The following CCDC192 variants were observed in gnomAD, a reference collection of about 807,000 sequenced individuals.
CCDC192 encodes coiled-coil domain-containing protein 192.
chr5:127,739,068 CT>C (rs1257999427), intron 2 of CCDC192, among the ~76,000 whole-genome samples: 4 of 152,212 alleles, frequency 2.6e-5, no homozygotes, highest in African/African-American at 9.6e-5. Context: ...GTTTTATCTA[CT>C]TTTGATCTTT....
chr5:127,716,396 C>T (rs1160416062), intron 2 of CCDC192, among the ~76,000 whole-genome samples: 1 of 152,162 alleles, frequency 6.6e-6, no homozygotes, highest in Non-Finnish European at 1.5e-5. Flanking sequence ...GTAATGCTCA[C>T]TTCATAGACT....
At chr5:127,941,100 A>G (rs989615110) in intron 6 of CCDC192, 82 bp from the exon 7 acceptor site, 4 of 398,426 alleles carry the variant, frequency 1.0e-5, no homozygotes, top group Non-Finnish European at 1.8e-5. Flanking sequence ...GTGAGAAATG[A>G]AGCTTTTTCA....
chr5:127,892,476 G>A lies in CCDC192; in HGVS notation c.535+16815G>A, dbSNP rs576683377. Among the ~76,000 whole-genome samples, 370 of 152,286 alleles carry A rather than the reference G, an allele frequency of 2.4e-3. 2 individuals carry two copies. The highest frequency in any genetic ancestry group is 8.6e-3 in the African/African-American group (358 of 41,556). On this transcript the variant is annotated intron_variant, in intron 6 of 6. Transcript: ENST00000514853. Reference sequence around the variant, plus strand: ...ATGCTGACATTAGTTGAGCTGTAGTGTGGATTCAAAATGCCTTTAAAAAAT... The same window carrying A: ...ATGCTGACATTAGTTGAGCTGTAGTATGGATTCAAAATGCCTTTAAAAAAT...
chr5:127,743,908 G>C (rs949544637), intron 2 of CCDC192, among the ~76,000 whole-genome samples: 1 of 151,806 alleles, frequency 6.6e-6, no homozygotes, highest in Non-Finnish European at 1.5e-5. Flanking sequence ...GGCTTAACAC[G>C]GTGAAACCCC....
intron 2 of CCDC192, among the ~76,000 whole-genome samples, chr5:127,741,435 G>A (rs75900461): frequency 0.029 from 4,470 of 152,240 alleles, 139 homozygotes; most frequent in African/African-American, 0.083. Flanking sequence ...ATTGCTTAAT[G>A]TGGGCTACAT....
chr5:127,904,197 A>T (rs903992892), intron 6 of CCDC192, among the ~76,000 whole-genome samples: 3 of 152,228 alleles, frequency 2.0e-5, no homozygotes, highest in African/African-American at 7.2e-5. Context: ...GCCTCTGGAA[A>T]ATGGGAAAGG....
intron 6 of CCDC192, among the ~76,000 whole-genome samples, chr5:127,891,916 T>C (rs1438818328): frequency 6.6e-6 from 1 of 152,218 alleles, no homozygotes; most frequent in Non-Finnish European, 1.5e-5. Context: ...TTTCTTCCCA[T>C]TGGACCACAA....
chr5:127,929,843 T>G (rs973599143), intron 6 of CCDC192, among the ~76,000 whole-genome samples: 8 of 152,164 alleles, frequency 5.3e-5, no homozygotes, highest in African/African-American at 1.7e-4. Context: ...AACAAACCCT[T>G]GTGCACCACC....
At chr5:127,904,292 G>T (rs1253239992) in intron 6 of CCDC192, among the ~76,000 whole-genome samples, 3 of 152,124 alleles carry the variant, frequency 2.0e-5, no homozygotes, top group Non-Finnish European at 4.4e-5. Flanking sequence ...ACCTATGTTT[G>T]GACTTCCAAC....
At chr5:127,744,093 CAA>C (rs35375542) in intron 2 of CCDC192, among the ~76,000 whole-genome samples, 6 of 50,032 alleles carry the variant, frequency 1.2e-4, no homozygotes, top group East Asian at 5.8e-4. Flanking sequence ...GACTCCGTCT[CAA>C]AAAAAAAAAA....
intron 6 of CCDC192, among the ~76,000 whole-genome samples, chr5:127,889,881 A>AT (rs5871280): frequency 0.41 from 60,373 of 147,732 alleles, 12,420 homozygotes; most frequent in Non-Finnish European, 0.45. Flanking sequence ...AGTTTTATAA[A>AT]TTTTTTTTTT....
chr5:127,871,084 G>GAGCCCA (rs1201114558), intron 5 of CCDC192, among the ~76,000 whole-genome samples: 1 of 152,230 alleles, frequency 6.6e-6, no homozygotes, highest in Non-Finnish European at 1.5e-5. Context: ...GCCCAAGAGA[G>GAGCCCA]AGCTGCCGTG....
At position 127,841,095 on chromosome 5, in the gene CCDC192, C is replaced by T. The variant is rs75082505; in HGVS notation, c.412-34443C>T. On this transcript the variant is annotated intron_variant, in intron 5 of 6. Coordinates refer to ENST00000514853, the MANE Select transcript of CCDC192 (RefSeq NM_001317938.2). ...AAATACTTTACAGTGCCAGGAACAA[C>T]ATCATGTCAAACAAAGAGGAAAAGG... 1.7e-3 allele frequency among the ~76,000 whole-genome samples: 263 copies of T among 152,292 alleles called. 1 individual carries two copies. The highest frequency in any genetic ancestry group is 5.9e-3 in the African/African-American group (244 of 41,562).
intron 6 of CCDC192, among the ~76,000 whole-genome samples, chr5:127,919,526 C>T (rs920933836): frequency 6.6e-6 from 1 of 152,074 alleles, no homozygotes; most frequent in African/African-American, 2.4e-5. Context: ...AGTTTCAGAC[C>T]GTAATGGTAG....
chr5:127,758,636 TAG>T (rs1337087240), intron 3 of CCDC192, among the ~76,000 whole-genome samples: 1 of 152,050 alleles, frequency 6.6e-6, no homozygotes, highest in African/African-American at 2.4e-5. Context: ...GTATTTCCCA[TAG>T]GTTAAGATCA....
intron 2 of CCDC192, among the ~76,000 whole-genome samples, chr5:127,711,536 G>C (rs530190283): frequency 7.2e-5 from 11 of 152,190 alleles, no homozygotes; most frequent in African/African-American, 2.6e-4. Context: ...TTAATACTTA[G>C]TGTAATATAC....
chr5:127,904,899 T>C (rs991375795), intron 6 of CCDC192, among the ~76,000 whole-genome samples: 2 of 152,112 alleles, frequency 1.3e-5, no homozygotes, highest in Non-Finnish European at 2.9e-5. Context: ...CTCTGACCAG[T>C]GTACTGTGAG....
intron 2 of CCDC192, among the ~76,000 whole-genome samples, chr5:127,738,735 CT>C (rs1314057083): frequency 2.0e-5 from 3 of 152,198 alleles, no homozygotes; most frequent in African/African-American, 7.2e-5. Flanking sequence ...GCTCCTGAGG[CT>C]TCTGCATTCG....
intron 3 of CCDC192, among the ~76,000 whole-genome samples, chr5:127,770,721 C>T (rs1052884244): frequency 1.3e-5 from 2 of 152,122 alleles, no homozygotes; most frequent in Admixed American, 1.3e-4. Flanking sequence ...GAGCTAAAGG[C>T]AGTAACGATA....
Sources: gnomAD v4.1 joint callset for allele counts (sites outside exome capture counted in the v4.1 genomes callset) on GRCh38, gnomAD v4.1.1 for gene constraint, MANE v1.5 for transcripts, NCBI Gene and HGNC (gene_info 2026-07-23, HGNC 2026-07-21) for gene names.